Variants in MTR observed in about 807,000 individuals in gnomAD.
MTR encodes methionine synthase.
A neutral mutation model predicts 154.8 loss-of-function variants in MTR; 84 were observed. That is an observed-to-expected ratio of 0.54 (90% CI 0.45 to 0.65). The LOEUF (loss-of-function observed/expected upper bound fraction) is 0.65, where lower values mean the gene tolerates loss of function less well. Among genes scored for constraint, MTR ranks in the 30% least tolerant of loss-of-function variants. The pLI, the probability that MTR is intolerant of heterozygous loss-of-function variation, is 0.00. For missense variants in MTR, 1,275 were observed against 1,570.2 expected (o/e 0.81, Z 3.18); for synonymous variants, 554 against 553.9 (o/e 1.00, Z 0.00).
chr1:236,866,351 C>CA (rs1572291114), intron 22 of MTR, among the ~76,000 whole-genome samples: 1 of 152,122 alleles, frequency 6.6e-6, no homozygotes, highest in East Asian at 1.9e-4. Context: ...CCATGAACCA[C>CA]ACCCATAGAA....
chr1:236,874,233 A>T (rs943446916), intron 23 of MTR, among the ~76,000 whole-genome samples: 7 of 152,178 alleles, frequency 4.6e-5, no homozygotes, highest in African/African-American at 7.2e-5. Context: ...TTTACTACCA[A>T]AAGCAAACAA....
rs1359928320 is a variant in MTR, at chr1:236,795,398, C to T, written c.-306C>T. 1.7e-5 allele frequency: 25 copies of T among 1,434,746 alleles called. No individual in the cohort carries two copies. Among genetic ancestry groups the T allele is most frequent in the Non-Finnish European group, 2.0e-5 (22 of 1,082,264 alleles). 88.9% of individuals were successfully genotyped at this position (1,434,746 alleles called of 1,614,324 possible). A position where few individuals can be genotyped will look rare whatever the true frequency, so the allele number is the denominator to read the frequency against. On this transcript the variant is annotated 5_prime_UTR_variant, in exon 1 of 33. Transcript: ENST00000366577. ...CTCTTGGGTCCTTTTCCGTGCCGTCCCGCGACTCCGCCTCTGGCCGCGCGT... is the reference window on the plus strand; with the variant it reads ...CTCTTGGGTCCTTTTCCGTGCCGTCTCGCGACTCCGCCTCTGGCCGCGCGT...
At chr1:236,888,854 T>C (rs1281174630) in intron 27 of MTR, among the ~76,000 whole-genome samples, 3 of 152,240 alleles carry the variant, frequency 2.0e-5, no homozygotes. Context: ...ATGTTCTTCA[T>C]GTTCACCTTG....
chr1:236,896,072 G>T (rs1448252300), intron 31 of MTR, among the ~76,000 whole-genome samples: 1 of 152,190 alleles, frequency 6.6e-6, no homozygotes. Flanking sequence ...TGTTTTGCCT[G>T]TGGATTGATT....
chr1:236,889,272 C>T lies in MTR; in HGVS notation c.2943C>T (p.Val981=). The change falls in exon 28 of 33, where the codon GTC becomes GTT. Residue 981 remains valine, a synonymous_variant. Coordinates refer to ENST00000366577, the MANE Select transcript of MTR (RefSeq NM_000254.3). ...DYIDWKPFFD[V]WQLRGKYPNR... Reference sequence around the variant, plus strand: ...TTGACTGGAAGCCTTTCTTTGATGTCTGGCAGCTCCGGGGCAAGTACCCGA... The same window carrying T: ...TTGACTGGAAGCCTTTCTTTGATGTTTGGCAGCTCCGGGGCAAGTACCCGA... The T allele has an allele frequency of 6.2e-7, 1 of 1,614,212 alleles. No homozygotes were observed. Among genetic ancestry groups the T allele is most frequent in the Non-Finnish European group, 8.5e-7 (1 of 1,180,040 alleles).
chr1:236,894,391 A>C lies in MTR; in HGVS notation c.3239A>C (p.Tyr1080Ser). Residue 1080 changes from tyrosine to serine, a missense_variant, in exon 30 of 33, where the codon TAC (tyrosine) becomes TCC (serine). Transcript: ENST00000366577. ...EKDSASTEPY[Y>S]CLSDFIAPLH... ...GACTCTGCCAGCACGGAGCCATACT[A>C]CTGCCTCTCAGACTTCATCGCTCCC... is the stretch of plus-strand genomic sequence containing the variant. The C allele has an allele frequency of 6.2e-7, 1 of 1,614,184 alleles. No homozygotes were observed. Among genetic ancestry groups the C allele is most frequent in the Non-Finnish European group, 8.5e-7 (1 of 1,180,034 alleles).
At chr1:236,821,558 A>T (rs1661950790) in intron 8 of MTR, among the ~76,000 whole-genome samples, 1 of 152,136 alleles carries the variant, frequency 6.6e-6, no homozygotes, top group Non-Finnish European at 1.5e-5. Context: ...AACAGTTTTA[A>T]ATCTTAGTGA....
chr1:236,834,637 A>G (rs1166960914), intron 13 of MTR, among the ~76,000 whole-genome samples: 2 of 152,166 alleles, frequency 1.3e-5, no homozygotes. Context: ...CTAAAAAAAA[A>G]TCAAGACAAT....
intron 5 of MTR, among the ~76,000 whole-genome samples, 168 bp from the exon 6 acceptor site, chr1:236,812,570 T>G (rs1426243064): frequency 1.3e-5 from 2 of 152,254 alleles, no homozygotes; most frequent in Non-Finnish European, 2.9e-5. Flanking sequence ...GTTTACCTTC[T>G]GTCCCTGCCA....
Position 236,808,698 on chromosome 1 carries a change from C to T in MTR, c.340-6C>T, listed in dbSNP as rs7526063. On this transcript the variant is annotated splice_polypyrimidine_tract_variant and splice_region_variant and intron_variant, in intron 3 of 32. Coordinates refer to ENST00000366577, the MANE Select transcript of MTR (RefSeq NM_000254.3). ...GACAAGCTAACGTTTGTGGTTGATA[C>T]GTTAGGCCTACCGGATGAACATGTG... 47,034 of 1,613,758 alleles carry T rather than the reference C, an allele frequency of 0.029. 1,421 individuals carry two copies. Among genetic ancestry groups the T allele is most frequent in the African/African-American group, 0.13 (9,661 of 74,978 alleles).
rs1666754232 is a variant in MTR at position 236,897,870 on chromosome 1, A to G, written c.*226A>G. 1 of 563,154 alleles carries G rather than the reference A, an allele frequency of 1.8e-6. No individual in the cohort carries two copies. Among genetic ancestry groups the G allele is most frequent in the Non-Finnish European group, 3.1e-6 (1 of 318,128 alleles). The allele number at this position is 563,154 out of a possible 1,614,324, so 34.9% of individuals were successfully genotyped here. On this transcript the variant is annotated 3_prime_UTR_variant, in exon 33 of 33. Coordinates refer to ENST00000366577, the MANE Select transcript of MTR (RefSeq NM_000254.3). The stretch of plus-strand genomic sequence containing the variant: ...TTGGGACCTTGCGTGAAGAGCAGTG[A>G]GCAGGGTTCCTGTGGTTTCCCTGGT...
intron 19 of MTR, among the ~76,000 whole-genome samples, 161 bp downstream of exon 19, chr1:236,860,083 C>G (rs984942594): frequency 3.2e-5 from 3 of 93,900 alleles, no homozygotes; most frequent in African/African-American, 7.5e-5. Flanking sequence ...CCCCCCCCCC[C>G]CCCCCCCACC....
intron 25 of MTR, among the ~76,000 whole-genome samples, chr1:236,882,313 C>T (rs534498175): frequency 9.2e-5 from 14 of 152,084 alleles, no homozygotes; most frequent in African/African-American, 3.1e-4. Flanking sequence ...TTTAGTTGCA[C>T]AGTGCCAACC....
intron 6 of MTR, among the ~76,000 whole-genome samples, chr1:236,815,016 GAACTT>G (rs1558280984): frequency 6.6e-6 from 1 of 152,174 alleles, no homozygotes; most frequent in Non-Finnish European, 1.5e-5. Context: ...CCATTATCTG[GAACTT>G]AAAATGTGGA....
chr1:236,802,677 C>T lies in MTR; in HGVS notation c.35-751C>T, dbSNP rs550576436. Among the ~76,000 whole-genome samples the T allele has an allele frequency of 7.3e-5, 11 of 150,554 alleles. 1 individual carries two copies. The South Asian group carries it at 1.9e-3, about 26-fold the overall frequency. On this transcript the variant is annotated intron_variant, in intron 1 of 32. Coordinates refer to ENST00000366577, the MANE Select transcript of MTR (RefSeq NM_000254.3). ...GAGTGAGGAGGAAAAGGATTTGGTG[C>T]TAAAAAAAAAAGTAGAAATTGGGAC...
At chr1:236,818,938 C>T (rs1400222077) in intron 8 of MTR, among the ~76,000 whole-genome samples, 1 of 152,102 alleles carries the variant, frequency 6.6e-6, no homozygotes, top group East Asian at 1.9e-4. Context: ...TAATGGAGTT[C>T]TTGTAGAATT....
chr1:236,828,065 C>T (rs1406492792), intron 11 of MTR, among the ~76,000 whole-genome samples: 2 of 152,202 alleles, frequency 1.3e-5, no homozygotes, highest in East Asian at 3.9e-4. Context: ...GCAAGCTCCA[C>T]CTCCCAGGTT....
At chr1:236,851,337 T>A (rs1294478070) in intron 16 of MTR, among the ~76,000 whole-genome samples, 1 of 152,202 alleles carries the variant, frequency 6.6e-6, no homozygotes, top group Non-Finnish European at 1.5e-5. Flanking sequence ...GTTTTGTTGG[T>A]GAGGTCACTT....
intron 24 of MTR, among the ~76,000 whole-genome samples, chr1:236,880,083 C>T (rs910002687): frequency 2.6e-5 from 4 of 152,222 alleles, no homozygotes; most frequent in East Asian, 3.9e-4. Flanking sequence ...ATGGTGTGAA[C>T]GTGGGAGGCG....
Sources: gnomAD v4.1 joint callset for allele counts (sites outside exome capture counted in the v4.1 genomes callset) on GRCh38, gnomAD v4.1.1 for gene constraint, MANE v1.5 for transcripts, NCBI Gene and HGNC (gene_info 2026-07-23, HGNC 2026-07-21) for gene names.